ARL15: variants seen among roughly 807,000 people sequenced by gnomAD.
ARL15 encodes ADP-ribosylation factor-like protein 15.
In ARL15, 19 loss-of-function variants were observed where a neutral mutation model predicts 25.2. That is an observed-to-expected ratio of 0.75 (90% CI 0.53 to 1.10). The LOEUF is 1.10. Among genes scored for constraint, ARL15 ranks in the 50% least tolerant of loss-of-function variants. The pLI is 0.00. For missense variants in ARL15, 220 were observed against 246.0 expected (o/e 0.89, Z 0.71); for synonymous variants, 94 against 86.8 (o/e 1.08, Z -0.46).
intron 1 of ARL15, among the ~76,000 whole-genome samples, chr5:54,194,506 T>C (rs1236139208): frequency 2.6e-5 from 4 of 152,106 alleles, no homozygotes; most frequent in African/African-American, 4.8e-5. Flanking sequence ...TGAAACTCAG[T>C]TGTCACACTT....
intron 4 of ARL15, among the ~76,000 whole-genome samples, chr5:54,015,912 T>C (rs1270629258): frequency 6.6e-6 from 1 of 152,226 alleles, no homozygotes; most frequent in Non-Finnish European, 1.5e-5. Flanking sequence ...AGAAGGCTGC[T>C]CTATTACCAG....
chr5:54,021,028 A>T lies in ARL15; in HGVS notation c.462+92174T>A, dbSNP rs535254822. On this transcript the variant is annotated intron_variant, in intron 4 of 4. Coordinates refer to ENST00000504924, the MANE Select transcript of ARL15 (RefSeq NM_019087.3). Reference sequence around the variant, plus strand: ...TCAGAATTTTCTGACAAGGATTTAAAATCAGCCATCATAAAAATGGTTTAG... The same window carrying T: ...TCAGAATTTTCTGACAAGGATTTAATATCAGCCATCATAAAAATGGTTTAG... Among the ~76,000 whole-genome samples the T allele has an allele frequency of 3.3e-5, 5 of 151,994 alleles. No homozygotes were observed. The South Asian group carries it at 1.0e-3, about 32-fold the overall frequency.
At chr5:53,951,904 T>C (rs1746982666) in intron 4 of ARL15, among the ~76,000 whole-genome samples, 1 of 148,742 alleles carries the variant, frequency 6.7e-6, no homozygotes, top group Non-Finnish European at 1.5e-5. Flanking sequence ...TAACTCAAAT[T>C]CCATAAACAA....
chr5:53,936,054 G>A lies in ARL15; in HGVS notation c.463-49341C>T, dbSNP rs533114596. 5.5e-4 allele frequency among the ~76,000 whole-genome samples: 84 copies of A among 151,834 alleles called. 1 individual carries two copies. The South Asian group carries it at 0.017, about 31-fold the overall frequency. On this transcript the variant is annotated intron_variant, in intron 4 of 4. Transcript: ENST00000504924. ...GTGGCCATCGTGCCCGGCCTCTGAG[G>A]TTTATTTGTAATCTCAGAGAAGAAA...
chr5:54,303,514 A>G (rs1252237356), intron 1 of ARL15, among the ~76,000 whole-genome samples: 2 of 152,058 alleles, frequency 1.3e-5, no homozygotes, highest in Admixed American at 1.3e-4. Context: ...CTGTCAAGCA[A>G]GCAACCAAGA....
chr5:54,126,640 T>G (rs959698224), intron 3 of ARL15, among the ~76,000 whole-genome samples: 14 of 152,134 alleles, frequency 9.2e-5, no homozygotes, highest in African/African-American at 3.4e-4. Flanking sequence ...TCATGAGGGA[T>G]TCACCAGCAC....
intron 4 of ARL15, among the ~76,000 whole-genome samples, chr5:54,014,706 AAT>A (rs1749355927): frequency 1.3e-5 from 2 of 151,772 alleles, no homozygotes; most frequent in South Asian, 4.2e-4. Flanking sequence ...TTGTAATTTT[AAT>A]AGAGACGGGG....
chr5:54,115,687 C>G (rs1374496928), intron 3 of ARL15, among the ~76,000 whole-genome samples: 1 of 152,052 alleles, frequency 6.6e-6, no homozygotes, highest in Non-Finnish European at 1.5e-5. Context: ...ATAAGAGGAT[C>G]AAGGACATTT....
At chr5:53,924,099 T>G (rs1337533435) in intron 4 of ARL15, among the ~76,000 whole-genome samples, 1 of 152,124 alleles carries the variant, frequency 6.6e-6, no homozygotes, top group Non-Finnish European at 1.5e-5. Flanking sequence ...AATAAAAGTG[T>G]CCGGAGAAAG....
chr5:53,894,875 T>C (rs1271685161), intron 4 of ARL15, among the ~76,000 whole-genome samples: 2 of 152,156 alleles, frequency 1.3e-5, no homozygotes, highest in African/African-American at 4.8e-5. Flanking sequence ...TTTTGAATTA[T>C]ATAGAAGGGG....
intron 1 of ARL15, among the ~76,000 whole-genome samples, chr5:54,281,565 TAAG>T (rs1378279784): frequency 1.3e-5 from 2 of 152,304 alleles, no homozygotes; most frequent in East Asian, 3.9e-4. Context: ...CCTCAACCCA[TAAG>T]ATGACAGTAG....
At chr5:54,001,928 A>C (rs1450448840) in intron 4 of ARL15, among the ~76,000 whole-genome samples, 1 of 152,188 alleles carries the variant, frequency 6.6e-6, no homozygotes, top group African/African-American at 2.4e-5. Context: ...GGCTCTTTAT[A>C]ATGATATGAT....
At chr5:54,239,020 T>C (rs1484068898) in intron 1 of ARL15, among the ~76,000 whole-genome samples, 4 of 152,174 alleles carry the variant, frequency 2.6e-5, no homozygotes, top group Admixed American at 2.0e-4. Flanking sequence ...ATACAGCAGT[T>C]AGTGAGTGAC....
At chr5:53,931,641 A>C (rs1746197828) in intron 4 of ARL15, among the ~76,000 whole-genome samples, 1 of 152,138 alleles carries the variant, frequency 6.6e-6, no homozygotes, top group Non-Finnish European at 1.5e-5. Flanking sequence ...TTCTTCCACT[A>C]TTTACCATAG....
intron 1 of ARL15, among the ~76,000 whole-genome samples, chr5:54,240,485 T>C (rs1323320340): frequency 2.0e-5 from 3 of 152,136 alleles, no homozygotes; most frequent in South Asian, 2.1e-4. Context: ...AGAAACCTAC[T>C]TATGTCCTTT....
intron 4 of ARL15, among the ~76,000 whole-genome samples, chr5:53,919,434 A>G (rs1745771772): frequency 6.6e-6 from 1 of 152,220 alleles, no homozygotes; most frequent in Non-Finnish European, 1.5e-5. Context: ...CTCACACTCC[A>G]GTGGAGTGCA....
At chr5:54,031,673 C>A (rs536441354) in intron 4 of ARL15, among the ~76,000 whole-genome samples, 1 of 152,110 alleles carries the variant, frequency 6.6e-6, no homozygotes, top group East Asian at 1.9e-4. Context: ...AAAACAAATT[C>A]CAAAATATAC....
At chr5:54,184,156 G>A (rs1234366521) in intron 1 of ARL15, among the ~76,000 whole-genome samples, 18 of 124,012 alleles carry the variant, frequency 1.5e-4, no homozygotes, top group East Asian at 2.7e-4. Flanking sequence ...GCTAAATGAC[G>A]AATTAATGGG....
intron 4 of ARL15, among the ~76,000 whole-genome samples, chr5:53,939,135 G>C (rs973955229): frequency 2.0e-5 from 3 of 152,162 alleles, no homozygotes; most frequent in Admixed American, 1.3e-4. Flanking sequence ...TAATTGATTA[G>C]ATTTACAAAG....
Sources: gnomAD v4.1 joint callset for allele counts (sites outside exome capture counted in the v4.1 genomes callset) on GRCh38, gnomAD v4.1.1 for gene constraint, MANE v1.5 for transcripts, NCBI Gene and HGNC (gene_info 2026-07-23, HGNC 2026-07-21) for gene names.